The following UGT8 variants were observed in gnomAD, a reference collection of about 807,000 sequenced individuals.
UGT8 encodes the protein UDP glycosyltransferase 8.
A neutral mutation model predicts 40.5 loss-of-function variants in UGT8; 12 were observed. The ratio of observed to expected loss-of-function variants is 0.30; its 90% CI spans 0.19 to 0.48. UGT8 has a LOEUF of 0.48. Among genes scored for constraint, UGT8 ranks in the 20% least tolerant of loss-of-function variants. UGT8 has a pLI of 0.99. For missense variants in UGT8, 513 were observed against 648.7 expected, an observed-to-expected ratio of 0.79 and a Z score of 2.27; for synonymous variants, 224 against 240.4, an observed-to-expected ratio of 0.93 and a Z score of 0.63.
rs141744081 is a variant in UGT8, at chr4:114,622,879, C to G, written c.-2C>G. The G allele has an allele frequency of 6.2e-7, 1 of 1,601,766 alleles. No individual in the cohort carries two copies. Among genetic ancestry groups the G allele is most frequent in the African/African-American group, 1.3e-5 (1 of 74,706 alleles). On this transcript the variant is annotated splice_region_variant and 5_prime_UTR_variant, in exon 2 of 6. Transcript: ENST00000310836. Reference sequence around the variant, plus strand: ...AGTTGTTTTCTGGTTGTTATTACAGCTATGAAGTCTTACACTCCATATTTC... The same window carrying G: ...AGTTGTTTTCTGGTTGTTATTACAGGTATGAAGTCTTACACTCCATATTTC...
At chr4:114,640,839 C>T (rs1196819705) in intron 2 of UGT8, among the ~76,000 whole-genome samples, 1 of 152,114 alleles carries the variant, frequency 6.6e-6, no homozygotes, top group African/African-American at 2.4e-5. Flanking sequence ...CCCCATGATT[C>T]AATTACCTCC....
In UGT8 at chr4:114,656,823, T is replaced by A. The variant is rs997481157; in HGVS notation, c.823-7172T>A. ...AATCTGAGGCCAGGTTTCAATACTT[T>A]ATCTGCTCTTCATTTCCCCATATCT... On this transcript the variant is annotated intron_variant, in intron 2 of 5. Coordinates refer to ENST00000310836, the MANE Select transcript of UGT8 (RefSeq NM_001128174.3). The A allele has an allele frequency of 5.8e-6, 3 of 519,794 alleles. No individual in the cohort carries two copies. The Admixed American group carries it at 5.9e-5, about 10-fold the overall frequency. The allele number at this position is 519,794 out of a possible 1,614,324, so 32.2% of individuals were successfully genotyped here.
At chr4:114,616,198 G>T (rs1560671193) in intron 1 of UGT8, among the ~76,000 whole-genome samples, 1 of 152,184 alleles carries the variant, frequency 6.6e-6, no homozygotes, top group Non-Finnish European at 1.5e-5. Flanking sequence ...GCCCCCAGAG[G>T]TGGAGTCTAC....
intron 2 of UGT8, among the ~76,000 whole-genome samples, chr4:114,652,520 A>G (rs186062868): frequency 9.2e-5 from 14 of 152,014 alleles, no homozygotes; most frequent in Admixed American, 6.6e-4. Flanking sequence ...TGATGGGTCT[A>G]GGAGTTAAGA....
rs574635920 is a variant in UGT8 at position 114,675,897 on chromosome 4, CATT to C, written c.1263-27_1263-25del. On this transcript the variant is annotated intron_variant, in intron 5 of 5. Transcript: ENST00000310836. ...TATAGAACTTTATTATAAGCATCAT[CATT>C]CTGTGTTTTGTCCCCTCTCCATAGC... 2.7e-4 allele frequency: 418 copies of C among 1,572,456 alleles called. 3 individuals carry two copies. In the African/African-American group the frequency reaches 5.1e-3, roughly 19 times the overall value.
intron 2 of UGT8, among the ~76,000 whole-genome samples, chr4:114,658,387 G>C (rs531979443): frequency 6.6e-6 from 1 of 152,292 alleles, no homozygotes; most frequent in South Asian, 2.1e-4. Context: ...AGTGTTATAG[G>C]TTTCTCTACT....
At chr4:114,618,378 C>T in intron 1 of UGT8, among the ~76,000 whole-genome samples, 1 of 152,162 alleles carries the variant, frequency 6.6e-6, no homozygotes, top group East Asian at 1.9e-4. Context: ...AAGAGTTGAG[C>T]ATTATCACTA....
At chr4:114,623,802 T>TATAATAC (rs767782930) in intron 2 of UGT8, 100 bp downstream of exon 2, 983 of 1,395,382 alleles carry the variant, frequency 7.0e-4, no homozygotes, top group Non-Finnish European at 8.3e-4. Context: ...ATTGTATATA[T>TATAATAC]ACAGTACACT....
chr4:114,600,782 A>AACTAAGCT (rs1322308652), intron 1 of UGT8, among the ~76,000 whole-genome samples: 1 of 152,052 alleles, frequency 6.6e-6, no homozygotes, highest in Non-Finnish European at 1.5e-5. Context: ...TAGCCAGCTT[A>AACTAAGCT]GTTTTCTCCT....
intron 5 of UGT8, among the ~76,000 whole-genome samples, chr4:114,671,795 G>A (rs1735301272): frequency 6.6e-6 from 1 of 152,146 alleles, no homozygotes; most frequent in Non-Finnish European, 1.5e-5. Context: ...AACACCAAAA[G>A]CAGTTGCAAC....
chr4:114,663,794 C>T, intron 2 of UGT8: 1 of 985,040 alleles, frequency 1.0e-6, no homozygotes, highest in Non-Finnish European at 1.2e-6. Context: ...CCAAATAAAC[C>T]ACATGTCCTC....
At chr4:114,616,137 G>C (rs1328840636) in intron 1 of UGT8, among the ~76,000 whole-genome samples, 2 of 152,154 alleles carry the variant, frequency 1.3e-5, no homozygotes, top group African/African-American at 4.8e-5. Flanking sequence ...TGTCAGACAG[G>C]GACATTTAAG....
At chr4:114,645,603 G>A (rs1733522310) in intron 2 of UGT8, among the ~76,000 whole-genome samples, 1 of 152,066 alleles carries the variant, frequency 6.6e-6, no homozygotes, top group Non-Finnish European at 1.5e-5. Context: ...TTTTATACAA[G>A]ATGAAAAGAG....
chr4:114,655,627 A>T (rs780331773), intron 2 of UGT8, among the ~76,000 whole-genome samples: 19 of 152,080 alleles, frequency 1.2e-4, no homozygotes, highest in Non-Finnish European at 2.6e-4. Flanking sequence ...TTTTTACCAG[A>T]ACCATCTGAC....
intron 1 of UGT8, among the ~76,000 whole-genome samples, chr4:114,615,994 G>T (rs1192138500): frequency 6.6e-6 from 1 of 152,084 alleles, no homozygotes; most frequent in Non-Finnish European, 1.5e-5. Context: ...GCCATGTGAG[G>T]TGTCAGTCTG....
chr4:114,612,004 C>T (rs1347315551), intron 1 of UGT8, among the ~76,000 whole-genome samples: 2 of 152,096 alleles, frequency 1.3e-5, no homozygotes, highest in African/African-American at 4.8e-5. Flanking sequence ...ACCCACTTAT[C>T]TATGATACCA....
chr4:114,675,462 C>T (rs993191489), intron 5 of UGT8, among the ~76,000 whole-genome samples: 7 of 152,008 alleles, frequency 4.6e-5, no homozygotes, highest in African/African-American at 1.5e-4. Context: ...GTGTTTAGGC[C>T]GGGCGCGGTG....
intron 5 of UGT8, among the ~76,000 whole-genome samples, chr4:114,671,621 A>G (rs903060096): frequency 6.6e-6 from 1 of 152,226 alleles, no homozygotes; most frequent in Non-Finnish European, 1.5e-5. Flanking sequence ...CTGGCTAGCC[A>G]TATGCAGAAA....
chr4:114,627,806 C>T (rs1249541600), intron 2 of UGT8, among the ~76,000 whole-genome samples: 1 of 152,186 alleles, frequency 6.6e-6, no homozygotes, highest in Non-Finnish European at 1.5e-5. Flanking sequence ...GCCTTGAACT[C>T]TTATAGCACC....
Sources: gnomAD v4.1 joint callset for allele counts (sites outside exome capture counted in the v4.1 genomes callset) on GRCh38, gnomAD v4.1.1 for gene constraint, MANE v1.5 for transcripts, NCBI Gene and HGNC (gene_info 2026-07-23, HGNC 2026-07-21) for gene names.